IMPACT: variants seen among roughly 807,000 people sequenced by gnomAD.
IMPACT encodes impact RWD domain protein, also known as protein IMPACT.
Under a neutral mutation model 47.5 loss-of-function variants are expected in IMPACT, and 35 were observed. That is an observed-to-expected ratio of 0.74 (90% CI 0.56 to 0.98). IMPACT has a LOEUF of 0.98. Among genes scored for constraint, IMPACT ranks in the 50% least tolerant of loss-of-function variants. The pLI is 0.00. For synonymous variants in IMPACT, 118 were observed against 125.6 expected, an observed-to-expected ratio of 0.94 and a Z score of 0.40; for missense variants, 373 against 394.8, an observed-to-expected ratio of 0.94 and a Z score of 0.47.
At chr18:24,443,201 G>A (rs1165268564) in intron 7 of IMPACT, 49 bp downstream of exon 7, 1 of 855,800 alleles carries the variant, frequency 1.2e-6, no homozygotes, top group East Asian at 2.7e-5. Context: ...AAATAATTCA[G>A]GTAAATGATT....
chr18:24,441,930 T>A (rs1419129994), intron 6 of IMPACT, among the ~76,000 whole-genome samples: 1 of 152,182 alleles, frequency 6.6e-6, no homozygotes, highest in Non-Finnish European at 1.5e-5. Context: ...TATCAATTGG[T>A]CAGTAGTTCA....
At chr18:24,438,611 A>G (rs537994520) in intron 5 of IMPACT, among the ~76,000 whole-genome samples, 7 of 152,056 alleles carry the variant, frequency 4.6e-5, no homozygotes, top group African/African-American at 4.8e-5. Context: ...AGTAGCTGGG[A>G]GTGGTGGTGT....
chr18:24,450,954 C>A lies in IMPACT; in HGVS notation c.*107C>A. The A allele has an allele frequency of 1.6e-6, 1 of 611,826 alleles. No homozygotes were observed. Among genetic ancestry groups the A allele is most frequent in the Non-Finnish European group, 2.8e-6 (1 of 354,360 alleles). The allele number at this position is 611,826 out of a possible 1,614,324, so 37.9% of individuals were successfully genotyped here. A position where few individuals can be genotyped will look rare whatever the true frequency, so the allele number is the denominator to read the frequency against. On this transcript the variant is annotated 3_prime_UTR_variant, in exon 11 of 11. Transcript: ENST00000284202. ...GAGTATCCTTGACTGCTTAAGTCAG[C>A]CAGTTCAGCATGGATACCAACATTA...
intron 8 of IMPACT, 74 bp from the exon 9 acceptor site, chr18:24,448,019 T>C (rs1317648191): frequency 2.4e-6 from 2 of 830,460 alleles, no homozygotes; most frequent in African/African-American, 3.4e-5. Context: ...ATCAAAATGA[T>C]CACAAATGTT....
At chr18:24,430,185 A>G (rs554107207) in intron 3 of IMPACT, 137 bp from the exon 4 acceptor site, 24 of 524,084 alleles carry the variant, frequency 4.6e-5, no homozygotes, top group African/African-American at 3.1e-4. Flanking sequence ...TTGCAACTAT[A>G]TAGATTTATA....
At chr18:24,440,005 A>C (rs1281475686) in intron 5 of IMPACT, among the ~76,000 whole-genome samples, 1 of 152,178 alleles carries the variant, frequency 6.6e-6, no homozygotes, top group African/African-American at 2.4e-5. Flanking sequence ...AATATTTATT[A>C]CTGTGGTGTT....
chr18:24,448,068 GTAATAC>G lies in IMPACT; in HGVS notation c.669-23_669-18del. ...TATTATAATATTTTAGTTTCAAAGTGTAATACTCTTACATGTATTTGCAGAATATAT... is the reference window on the plus strand; with the variant it reads ...TATTATAATATTTTAGTTTCAAAGTGTCTTACATGTATTTGCAGAATATAT... On this transcript the variant is annotated intron_variant, in intron 8 of 10. Transcript: ENST00000284202. 1.5e-6 allele frequency: 2 copies of G among 1,378,682 alleles called. No homozygotes were observed. The highest frequency in any genetic ancestry group is 2.1e-6 in the Non-Finnish European group (2 of 967,654). The allele number at this position is 1,378,682 out of a possible 1,614,324, so 85.4% of individuals were successfully genotyped here. A position where few individuals can be genotyped will look rare whatever the true frequency, so the allele number is the denominator to read the frequency against.
chr18:24,442,807 G>A (rs949451491), intron 6 of IMPACT, among the ~76,000 whole-genome samples: 2 of 151,884 alleles, frequency 1.3e-5, no homozygotes, highest in African/African-American at 4.8e-5. Flanking sequence ...GCTTCCCCTG[G>A]GTAACCTTGG....
intron 4 of IMPACT, among the ~76,000 whole-genome samples, chr18:24,430,645 T>C (rs1908728692): frequency 6.6e-6 from 1 of 152,184 alleles, no homozygotes; most frequent in African/African-American, 2.4e-5. Flanking sequence ...AGGCTTGTAA[T>C]CCCAGCTATT....
At chr18:24,434,910 GTGTA>G (rs1908881509) in intron 4 of IMPACT, among the ~76,000 whole-genome samples, 1 of 21,744 alleles carries the variant, frequency 4.6e-5, no homozygotes, top group African/African-American at 3.2e-4. Context: ...ATATATGTGT[GTGTA>G]TATATATATA....
At chr18:24,433,225 C>T (rs183050556) in intron 4 of IMPACT, among the ~76,000 whole-genome samples, 3,535 of 120,818 alleles carry the variant, frequency 0.029, 67 homozygotes, top group Non-Finnish European at 0.04. Context: ...CGGAGTCTCG[C>T]TCTGTCGCCC....
intron 5 of IMPACT, among the ~76,000 whole-genome samples, chr18:24,439,040 G>T (rs1909022600): frequency 6.6e-6 from 1 of 152,068 alleles, no homozygotes; most frequent in Non-Finnish European, 1.5e-5. Context: ...TGAATGTTGC[G>T]GTTTGAAAAC....
chr18:24,444,320 T>C (rs1296412070), intron 7 of IMPACT, among the ~76,000 whole-genome samples: 2 of 152,214 alleles, frequency 1.3e-5, no homozygotes, highest in African/African-American at 2.4e-5. Context: ...GTCTATTTTA[T>C]TGATCAGAAT....
intron 8 of IMPACT, 143 bp from the exon 9 acceptor site, chr18:24,447,950 T>C: frequency 1.9e-6 from 1 of 535,446 alleles, no homozygotes; most frequent in Non-Finnish European, 3.3e-6. Context: ...AAAATATATC[T>C]AATATAATAC....
Position 24,426,733 on chromosome 18 carries a change from C to T in IMPACT, c.-24C>T, listed in dbSNP as rs1287022275. On this transcript the variant is annotated 5_prime_UTR_variant, in exon 1 of 11. Coordinates refer to ENST00000284202, the MANE Select transcript of IMPACT (RefSeq NM_018439.4). ...GCGCTCCGGACCTGGCAGGCGGCGG[C>T]TGCAGGGCAGGTCCAGGGGCCACAT... 13 of 1,246,102 alleles carry T rather than the reference C, an allele frequency of 1.0e-5. No homozygotes were observed. Among genetic ancestry groups the T allele is most frequent in the Non-Finnish European group, 1.2e-5 (12 of 994,630 alleles). The allele number at this position is 1,246,102 out of a possible 1,614,324, so 77.2% of individuals were successfully genotyped here.
chr18:24,430,259 C>G lies in IMPACT; in HGVS notation c.219-63C>G, dbSNP rs562060040. ...CAAAAAAATTTATTTGTGATGTAAT[C>G]TGTAATTTGAGGTATAAACATAATC... On this transcript the variant is annotated intron_variant, in intron 3 of 10. Coordinates refer to ENST00000284202, the MANE Select transcript of IMPACT (RefSeq NM_018439.4). The G allele has an allele frequency of 2.7e-6, 3 of 1,109,372 alleles. No individual in the cohort carries two copies. In the African/African-American group the frequency reaches 4.8e-5, roughly 18 times the overall value. 68.7% of individuals were successfully genotyped at this position (1,109,372 alleles called of 1,614,324 possible). A position where few individuals can be genotyped will look rare whatever the true frequency, so the allele number is the denominator to read the frequency against.
Position 24,449,907 on chromosome 18 carries a change from A to G in IMPACT, c.848A>G (p.Asn283Ser), listed in dbSNP as rs1424071647. The change falls in exon 10 of 11, where the codon AAC becomes AGC. Residue 283 changes from asparagine (N) to serine (S), a missense_variant. Transcript: ENST00000284202. ...CCAGATCGCTTTAAACATATCAACA[A>G]CTGTGCCAGAAACATACTAGTGGAA... ...LGPDRFKHIN[N>S]CARNILVEKN... 1 of 1,614,042 alleles carries G rather than the reference A, an allele frequency of 6.2e-7. No homozygotes were observed. The highest frequency in any genetic ancestry group is 8.5e-7 in the Non-Finnish European group (1 of 1,179,940).
chr18:24,428,074 A>G (rs1276482825), intron 2 of IMPACT, 27 bp downstream of exon 2: 3 of 1,556,538 alleles, frequency 1.9e-6, no homozygotes, highest in Non-Finnish European at 2.6e-6. Context: ...CCTTGCAGCC[A>G]TCTTTCAGTT....
chr18:24,428,553 C>T (rs1340726320), intron 2 of IMPACT, among the ~76,000 whole-genome samples: 1 of 152,170 alleles, frequency 6.6e-6, no homozygotes, highest in East Asian at 1.9e-4. Flanking sequence ...GGATGCAAAA[C>T]AGTTTTTGCC....
Sources: allele counts gnomAD v4.1 joint callset (sites outside exome capture counted in the v4.1 genomes callset), GRCh38; gene constraint gnomAD v4.1.1; transcripts MANE v1.5; gene names NCBI Gene and HGNC (gene_info 2026-07-23, HGNC 2026-07-21).